Variants in UPP2 observed in about 807,000 individuals in gnomAD.
UPP2 encodes UPase 2.
A neutral mutation model predicts 26.7 loss-of-function variants in UPP2; 23 were observed. That is an observed-to-expected ratio of 0.86 (90% CI 0.62 to 1.22). The LOEUF (loss-of-function observed/expected upper bound fraction) is 1.22. Among genes scored for constraint, UPP2 ranks in the 50% most tolerant of loss-of-function variants. UPP2 has a pLI of 0.00. For missense variants in UPP2, 387 were observed against 396.7 expected, an observed-to-expected ratio of 0.98 and a Z score of 0.21; for synonymous variants, 127 against 141.3, an observed-to-expected ratio of 0.90 and a Z score of 0.72.
At chr2:158,098,719 A>G (rs150613769), upstream of UPP2, among the ~76,000 whole-genome samples, 56 of 152,316 alleles carry the variant, frequency 3.7e-4, no homozygotes, top group African/African-American at 1.2e-3. Context: ...GCGTATCTAA[A>G]AGAAAATAAA....
intron 3 of UPP2, among the ~76,000 whole-genome samples, chr2:158,025,943 G>T (rs961411962): frequency 6.6e-6 from 1 of 152,106 alleles, no homozygotes; most frequent in South Asian, 2.1e-4. Flanking sequence ...TTTCAGCTTC[G>T]TCTGGAAGAA....
intron 3 of UPP2, among the ~76,000 whole-genome samples, chr2:158,070,317 C>G (rs1273889913): frequency 6.6e-6 from 1 of 152,228 alleles, no homozygotes; most frequent in Non-Finnish European, 1.5e-5. Flanking sequence ...GATAGGACAT[C>G]TCTACCCATT....
intron 3 of UPP2, among the ~76,000 whole-genome samples, chr2:158,062,064 A>G (rs1682361019): frequency 6.6e-6 from 1 of 152,266 alleles, no homozygotes; most frequent in African/African-American, 2.4e-5. Flanking sequence ...TGCTAAAGCA[A>G]TAGTATTGAA....
chr2:158,064,095 C>G (rs1682396799), intron 3 of UPP2, among the ~76,000 whole-genome samples: 1 of 152,146 alleles, frequency 6.6e-6, no homozygotes. Flanking sequence ...ATTTGTAATC[C>G]TTTCAGTATA....
chr2:157,996,330 A>G (rs986877615), intron 2 of UPP2, among the ~76,000 whole-genome samples: 1 of 152,146 alleles, frequency 6.6e-6, no homozygotes, highest in African/African-American at 2.4e-5. Flanking sequence ...CTAGGCTATA[A>G]TATTTATTGA....
chr2:158,092,087 G>A (rs1682920555), intron 3 of UPP2, among the ~76,000 whole-genome samples: 1 of 152,096 alleles, frequency 6.6e-6, no homozygotes, highest in Non-Finnish European at 1.5e-5. Context: ...ATTGCCGAGA[G>A]ACAAATTGAA....
chr2:158,003,868 G>A (rs948649591), intron 2 of UPP2, among the ~76,000 whole-genome samples: 42 of 152,138 alleles, frequency 2.8e-4, no homozygotes, highest in African/African-American at 9.7e-4. Flanking sequence ...GTGTGTATGT[G>A]TATTTTGCAT....
At chr2:158,074,500 T>C (rs1682594691) in intron 3 of UPP2, among the ~76,000 whole-genome samples, 1 of 152,212 alleles carries the variant, frequency 6.6e-6, no homozygotes, top group Admixed American at 6.5e-5. Context: ...GCAATCAGTG[T>C]TAAGTTGACA....
At chr2:158,129,317 C>T (rs572158731) in intron 6 of UPP2, among the ~76,000 whole-genome samples, 9 of 152,200 alleles carry the variant, frequency 5.9e-5, no homozygotes, top group South Asian at 2.1e-4. Flanking sequence ...CTCTGGTTAA[C>T]GGTCCCACAT....
intron 3 of UPP2, among the ~76,000 whole-genome samples, chr2:158,026,191 C>T (rs1683830684): frequency 6.6e-6 from 1 of 152,124 alleles, no homozygotes; most frequent in Admixed American, 6.5e-5. Flanking sequence ...GGAGAGGATT[C>T]TAAGAGGTTT....
At chr2:158,005,020 A>G (rs115694096) in intron 2 of UPP2, among the ~76,000 whole-genome samples, 3 of 152,246 alleles carry the variant, frequency 2.0e-5, no homozygotes, top group Non-Finnish European at 4.4e-5. Context: ...TGTGTCACTG[A>G]TATATCCCTA....
intron 3 of UPP2, among the ~76,000 whole-genome samples, chr2:158,028,941 CA>C (rs1683878554): frequency 6.6e-6 from 1 of 152,206 alleles, no homozygotes; most frequent in Non-Finnish European, 1.5e-5. Flanking sequence ...GCCCCTCCCA[CA>C]ACACATGAGA....
At position 157,996,066 on chromosome 2, in the gene UPP2, C is replaced by A. The variant is rs115239187; in HGVS notation, c.61+807C>A. Among the ~76,000 whole-genome samples the A allele has an allele frequency of 2.6e-3, 393 of 152,244 alleles. 4 individuals carry two copies. Among genetic ancestry groups the A allele is most frequent in the African/African-American group, 8.9e-3 (371 of 41,528 alleles). On this transcript the variant is annotated intron_variant, in intron 2 of 9. Transcript: ENST00000605860. ...TAAACCTGTTTTTAAAAGTTCAGAT[C>A]TAAATCTATTTGGTTTTCTCCTTCT...
At chr2:158,115,075 A>G in intron 2 of UPP2, 26 bp from the exon 3 acceptor site, 1 of 1,575,570 alleles carries the variant, frequency 6.3e-7, no homozygotes, top group South Asian at 1.2e-5. Context: ...TTACTATGGC[A>G]GGCCCTTGTT....
intron 2 of UPP2, among the ~76,000 whole-genome samples, chr2:158,003,171 C>T (rs974155907): frequency 2.6e-5 from 4 of 151,870 alleles, no homozygotes; most frequent in African/African-American, 9.7e-5. Flanking sequence ...TCAGGGAGGT[C>T]CTGACACAGA....
At position 158,032,223 on chromosome 2, in the gene UPP2, TAA is replaced by T. The variant is rs1192044055; in HGVS notation, c.147+16340_147+16341del. 2.6e-5 allele frequency among the ~76,000 whole-genome samples: 4 copies of T among 152,148 alleles called. No homozygotes were observed. The South Asian group carries it at 8.3e-4, about 32-fold the overall frequency. Reference sequence around the variant, plus strand: ...TGGCTTAGTAGAAATAAGAACTTAATAAAACTTATAGCTATTCAATATTGGAG... The same window carrying T: ...TGGCTTAGTAGAAATAAGAACTTAATAACTTATAGCTATTCAATATTGGAG... On this transcript the variant is annotated intron_variant, in intron 3 of 9. Transcript: ENST00000605860.
chr2:158,019,483 T>G (rs1216253456), intron 3 of UPP2, among the ~76,000 whole-genome samples: 1 of 152,150 alleles, frequency 6.6e-6, no homozygotes, highest in Non-Finnish European at 1.5e-5. Flanking sequence ...CAGTGGTTCA[T>G]CTTGCTTCCT....
intron 3 of UPP2, among the ~76,000 whole-genome samples, chr2:158,072,253 A>T (rs970881132): frequency 8.6e-5 from 13 of 151,774 alleles, no homozygotes; most frequent in Non-Finnish European, 1.6e-4. Context: ...CCAGTGGAAA[A>T]GGGAGGGAAG....
intron 3 of UPP2, among the ~76,000 whole-genome samples, chr2:158,058,261 C>G (rs1682284882): frequency 6.9e-6 from 1 of 145,652 alleles, no homozygotes; most frequent in South Asian, 2.2e-4. Context: ...CCACTGCATG[C>G]CAGCCTGGGC....
Sources: gnomAD v4.1 joint callset for allele counts (sites outside exome capture counted in the v4.1 genomes callset) on GRCh38, gnomAD v4.1.1 for gene constraint, MANE v1.5 for transcripts, NCBI Gene and HGNC (gene_info 2026-07-23, HGNC 2026-07-21) for gene names.